SCML4: variants seen among roughly 807,000 people sequenced by gnomAD.
SCML4 encodes sex comb on midleg-like protein 4.
A neutral mutation model predicts 41.1 loss-of-function variants in SCML4; 34 were observed. The observed-to-expected ratio is 0.83, with a 90% CI of 0.63 to 1.10. The LOEUF (loss-of-function observed/expected upper bound fraction) is 1.10. SCML4 is among the 50% of genes least tolerant of loss of function. SCML4 has a pLI of 0.00. For synonymous variants in SCML4, 214 were observed against 220.9 expected (o/e 0.97, Z 0.28); for missense variants, 522 against 534.1 (o/e 0.98, Z 0.22).
At chr6:107,789,786 C>A (rs1006888773) in intron 1 of SCML4, among the ~76,000 whole-genome samples, 1 of 152,234 alleles carries the variant, frequency 6.6e-6, no homozygotes, top group African/African-American at 2.4e-5. Context: ...ACACTCATGT[C>A]CCCCGGGCTG....
intron 2 of SCML4, among the ~76,000 whole-genome samples, chr6:107,757,629 C>A (rs1779223706): frequency 6.6e-6 from 1 of 152,174 alleles, no homozygotes; most frequent in South Asian, 2.1e-4. Context: ...GCCCTCAGAG[C>A]CTGCCTTTCC....
In SCML4 at chr6:107,803,033, C is replaced by T. The variant is rs200305537; in HGVS notation, c.-60+21093G>A. Among the ~76,000 whole-genome samples the T allele has an allele frequency of 8.1e-3, 1,227 of 151,692 alleles. 11 individuals carry two copies. Among genetic ancestry groups the T allele is most frequent in the East Asian group, 0.028 (140 of 5,086 alleles). The stretch of plus-strand genomic sequence containing the variant: ...GGTGCCGGGATGGCAGACGGAGTCG[C>T]GTTCACTCAGTGCTCAATGGTGCCC... On this transcript the variant is annotated intron_variant, in intron 1 of 7. Coordinates refer to ENST00000369020, the MANE Select transcript of SCML4 (RefSeq NM_198081.5).
chr6:107,812,964 T>A (rs1000459486), intron 1 of SCML4, among the ~76,000 whole-genome samples: 4 of 151,570 alleles, frequency 2.6e-5, no homozygotes, highest in African/African-American at 9.7e-5. Context: ...GTACACCTCC[T>A]GCATTCCTAA....
At chr6:107,729,882 A>G (rs531032210) in intron 5 of SCML4, among the ~76,000 whole-genome samples, 1 of 152,320 alleles carries the variant, frequency 6.6e-6, no homozygotes, top group Admixed American at 6.5e-5. Context: ...CTTTTATTTG[A>G]AAGCTTCCCC....
chr6:107,778,222 AATATATAT>A (rs1163805768), intron 1 of SCML4, among the ~76,000 whole-genome samples: 201 of 15,124 alleles, frequency 0.013, no homozygotes, highest in Middle Eastern at 0.062. Flanking sequence ...AAAAAAAAAA[AATATATAT>A]ATATATATAT....
At position 107,707,970 on chromosome 6, in the gene SCML4, G is replaced by A. The variant is rs763534162; in HGVS notation, c.1015C>T (p.Arg339Trp). ...SQDAQDARRP[R>W]SRNPSAWTVE... Reference sequence around the variant, plus strand: ...GTCCAGGCGGAGGGGTTCCTGCTCCGTGGCCGCCTGGCATCCTGCGCATCC... The same window carrying A: ...GTCCAGGCGGAGGGGTTCCTGCTCCATGGCCGCCTGGCATCCTGCGCATCC... Residue 339 changes from arginine (R) to tryptophan (W), a missense_variant, in exon 7 of 8, where the codon CGG becomes TGG. By Grantham distance (101) the Arg-to-Trp change is moderately radical. Coordinates refer to ENST00000369020, the MANE Select transcript of SCML4 (RefSeq NM_198081.5). 3.5e-5 allele frequency: 54 copies of A among 1,551,322 alleles called. No individual in the cohort carries two copies. Among genetic ancestry groups the A allele is most frequent in the East Asian group, 9.8e-5 (4 of 40,892 alleles).
intron 5 of SCML4, among the ~76,000 whole-genome samples, chr6:107,727,646 T>G (rs1461679138): frequency 6.6e-6 from 1 of 152,226 alleles, no homozygotes; most frequent in Non-Finnish European, 1.5e-5. Context: ...ATCTTTGCCT[T>G]GATGGCCTCG....
intron 6 of SCML4, 72 bp from the exon 7 acceptor site, chr6:107,708,083 C>T: frequency 4.0e-6 from 6 of 1,499,340 alleles, no homozygotes; most frequent in Non-Finnish European, 5.4e-6. Flanking sequence ...TGCTGCCTGC[C>T]CCCACCTAGC....
At chr6:107,714,258 G>A (rs1739862) in intron 6 of SCML4, among the ~76,000 whole-genome samples, 1 of 152,020 alleles carries the variant, frequency 6.6e-6, no homozygotes, top group African/African-American at 2.4e-5. Context: ...TGAGCTGAGC[G>A]AGATTCCTTC....
At chr6:107,819,093 T>G (rs1784762526) in intron 1 of SCML4, among the ~76,000 whole-genome samples, 1 of 152,148 alleles carries the variant, frequency 6.6e-6, no homozygotes, top group Admixed American at 6.5e-5. Flanking sequence ...ACTGAATCCT[T>G]TCTGAACTGC....
chr6:107,739,786 C>T (rs781431248), intron 5 of SCML4, among the ~76,000 whole-genome samples: 2 of 152,166 alleles, frequency 1.3e-5, no homozygotes, highest in African/African-American at 2.4e-5. Flanking sequence ...TTTGACAAGG[C>T]GATCTTAAAG....
chr6:107,794,069 T>C (rs948610926), intron 1 of SCML4, among the ~76,000 whole-genome samples: 1 of 152,276 alleles, frequency 6.6e-6, no homozygotes, highest in Non-Finnish European at 1.5e-5. Context: ...CATCAGTCTC[T>C]TGTGATATTT....
At chr6:107,789,819 C>T (rs1436353264) in intron 1 of SCML4, among the ~76,000 whole-genome samples, 1 of 152,228 alleles carries the variant, frequency 6.6e-6, no homozygotes, top group East Asian at 1.9e-4. Flanking sequence ...CTGACACACA[C>T]CACTGCACAC....
chr6:107,724,481 C>T (rs1036969991), intron 5 of SCML4, among the ~76,000 whole-genome samples: 2 of 152,104 alleles, frequency 1.3e-5, no homozygotes, highest in African/African-American at 4.8e-5. Context: ...TGTATTTCTA[C>T]ACATTTGCAA....
intron 5 of SCML4, among the ~76,000 whole-genome samples, chr6:107,729,942 T>A (rs528914238): frequency 6.6e-6 from 1 of 152,332 alleles, no homozygotes; most frequent in South Asian, 2.1e-4. Context: ...GCTATGAATC[T>A]CATTGCCTAA....
intron 1 of SCML4, among the ~76,000 whole-genome samples, chr6:107,777,867 T>C (rs148889314): frequency 1.7e-4 from 26 of 151,996 alleles, no homozygotes; most frequent in African/African-American, 5.8e-4. Context: ...TTCAAAGACC[T>C]CAAATGCTGT....
the SCML4 span, among the ~76,000 whole-genome samples, chr6:107,833,003 T>A: frequency 6.6e-6 from 1 of 152,150 alleles, no homozygotes; most frequent in Non-Finnish European, 1.5e-5. Context: ...AAAAAGATTA[T>A]GAAAGTGAGT....
chr6:107,762,764 T>C (rs542103618), intron 2 of SCML4, among the ~76,000 whole-genome samples: 162 of 152,106 alleles, frequency 1.1e-3, no homozygotes, highest in African/African-American at 3.7e-3. Context: ...CAACACTACC[T>C]ACACCTTGAT....
chr6:107,760,749 T>C (rs1779515945), intron 2 of SCML4, among the ~76,000 whole-genome samples: 2 of 151,898 alleles, frequency 1.3e-5, no homozygotes, highest in Admixed American at 1.3e-4. Context: ...GAATAAGCAA[T>C]AAAAACACAC....
Sources: allele counts gnomAD v4.1 joint callset (sites outside exome capture counted in the v4.1 genomes callset), GRCh38; gene constraint gnomAD v4.1.1; transcripts MANE v1.5; gene names NCBI Gene and HGNC (gene_info 2026-07-23, HGNC 2026-07-21).